The following LRRTM4 variants were observed in gnomAD, a reference collection of about 807,000 sequenced individuals.
The protein encoded by LRRTM4 is leucine-rich repeat transmembrane neuronal protein 4.
In LRRTM4, 25 loss-of-function variants were observed where a neutral mutation model predicts 47.6. The ratio of observed to expected loss-of-function variants is 0.53; its 90% CI spans 0.38 to 0.73. The LOEUF is 0.73. Among genes scored for constraint, LRRTM4 ranks in the 30% least tolerant of loss-of-function variants. The probability of loss-of-function intolerance (pLI) is 0.00; values close to 1 mark genes in which losing one functional copy is unlikely to be tolerated. For missense variants in LRRTM4, 638 were observed against 713.4 expected (o/e 0.89, Z 1.20); for synonymous variants, 311 against 269.5 (o/e 1.15, Z -1.51).
chr2:76,910,383 T>G (rs1022975714), intron 3 of LRRTM4, among the ~76,000 whole-genome samples: 1 of 151,116 alleles, frequency 6.6e-6, no homozygotes, highest in African/African-American at 2.4e-5. Flanking sequence ...CATTGGGAGA[T>G]ATACCTAATG....
At chr2:76,958,394 T>C (rs759995395) in intron 3 of LRRTM4, among the ~76,000 whole-genome samples, 1 of 151,790 alleles carries the variant, frequency 6.6e-6, no homozygotes, top group Admixed American at 6.6e-5. Flanking sequence ...CATAATCACC[T>C]GAAAGAGCTG....
intron 3 of LRRTM4, among the ~76,000 whole-genome samples, chr2:77,356,917 T>C (rs1671989883): frequency 6.6e-6 from 1 of 152,096 alleles, no homozygotes; most frequent in Non-Finnish European, 1.5e-5. Context: ...TTTGAAAGAG[T>C]ATAATGTGTC....
chr2:76,925,371 G>A (rs1165333389), intron 3 of LRRTM4, among the ~76,000 whole-genome samples: 3 of 152,088 alleles, frequency 2.0e-5, no homozygotes, highest in Non-Finnish European at 4.4e-5. Context: ...AGAGGACCAA[G>A]CCTTTAACAA....
chr2:77,408,651 TC>T (rs1207428319), intron 3 of LRRTM4, among the ~76,000 whole-genome samples: 1 of 151,978 alleles, frequency 6.6e-6, no homozygotes, highest in African/African-American at 2.4e-5. Flanking sequence ...AGCCTCTGAA[TC>T]CCCCCAGGAA....
intron 3 of LRRTM4, among the ~76,000 whole-genome samples, chr2:76,989,117 T>C (rs914515000): frequency 1.5e-4 from 23 of 151,896 alleles, no homozygotes; most frequent in Non-Finnish European, 2.5e-4. Context: ...ATTACATGTA[T>C]TGTTCAGTTT....
chr2:77,436,124 C>T (rs779810401), intron 3 of LRRTM4, among the ~76,000 whole-genome samples: 8 of 152,120 alleles, frequency 5.3e-5, no homozygotes, highest in South Asian at 2.1e-4. Context: ...ATATTAAAAG[C>T]GGTACCAAAA....
In LRRTM4 at chr2:76,833,923, T is replaced by C. The variant is rs546360164; in HGVS notation, c.1552-85007A>G. On this transcript the variant is annotated intron_variant, in intron 3 of 3. Transcript: ENST00000409884. ...TTCCCTTTTCCCTAATGCCATTAAA[T>C]ATCCTTCATATAAGCAATTTTTAAA... Among the ~76,000 whole-genome samples, 9 of 151,874 alleles carry C rather than the reference T, an allele frequency of 5.9e-5. No homozygotes were observed. The East Asian group carries it at 1.7e-3, about 29-fold the overall frequency.
chr2:76,883,573 G>A (rs1007706388), intron 3 of LRRTM4, among the ~76,000 whole-genome samples: 4 of 152,262 alleles, frequency 2.6e-5, no homozygotes, highest in Middle Eastern at 3.4e-3. Flanking sequence ...CTAGGACAGA[G>A]GAACTGGGAA....
chr2:77,341,781 G>C (rs1269041480), intron 3 of LRRTM4, among the ~76,000 whole-genome samples: 1 of 151,984 alleles, frequency 6.6e-6, no homozygotes, highest in East Asian at 1.9e-4. Flanking sequence ...GCATGGATGG[G>C]AGTTTCTCAA....
chr2:77,311,576 G>A (rs566601866), intron 3 of LRRTM4, among the ~76,000 whole-genome samples: 2 of 152,192 alleles, frequency 1.3e-5, no homozygotes, highest in Non-Finnish European at 2.9e-5. Context: ...AGTCAAATGG[G>A]TTAAAATTTG....
chr2:76,854,734 A>T (rs1206385004), intron 3 of LRRTM4, among the ~76,000 whole-genome samples: 1 of 152,098 alleles, frequency 6.6e-6, no homozygotes, highest in Non-Finnish European at 1.5e-5. Context: ...AAAATACTTA[A>T]CTAAACATCT....
chr2:77,061,035 A>G (rs1355025733), intron 3 of LRRTM4, among the ~76,000 whole-genome samples: 18 of 152,158 alleles, frequency 1.2e-4, no homozygotes. Context: ...ATTTGGAGTA[A>G]AAAATATCAA....
chr2:76,799,911 C>A (rs1675567432), intron 3 of LRRTM4, among the ~76,000 whole-genome samples: 1 of 150,572 alleles, frequency 6.6e-6, no homozygotes, highest in Admixed American at 6.6e-5. Context: ...AGAAGGACCT[C>A]TTCAAGGAGA....
At chr2:76,852,049 CAGATAT>C (rs1280551634) in intron 3 of LRRTM4, among the ~76,000 whole-genome samples, 1 of 152,062 alleles carries the variant, frequency 6.6e-6, no homozygotes, top group Non-Finnish European at 1.5e-5. Context: ...TAATCCTGTT[CAGATAT>C]AGCTAATGAT....
At chr2:76,985,940 C>T (rs7561189) in intron 3 of LRRTM4, 50,446 of 151,602 alleles carry the variant, frequency 0.33, 9,035 homozygotes, top group East Asian at 0.55. Flanking sequence ...AACAAGTAAT[C>T]CACCCTCTGA....
At chr2:77,490,431 A>T (rs1678099040) in intron 3 of LRRTM4, among the ~76,000 whole-genome samples, 1 of 152,180 alleles carries the variant, frequency 6.6e-6, no homozygotes, top group Non-Finnish European at 1.5e-5. Context: ...AAATGTAAAA[A>T]AAATCATAGG....
intron 3 of LRRTM4, among the ~76,000 whole-genome samples, chr2:77,071,371 C>T (rs1253875123): frequency 6.6e-6 from 1 of 152,040 alleles, no homozygotes; most frequent in East Asian, 1.9e-4. Context: ...ATTAAATTTC[C>T]AATATGCATT....
At chr2:77,145,611 AC>A (rs1344302703) in intron 3 of LRRTM4, among the ~76,000 whole-genome samples, 1 of 148,678 alleles carries the variant, frequency 6.7e-6, no homozygotes, top group Non-Finnish European at 1.5e-5. Flanking sequence ...TACTAAAAAT[AC>A]AAAAAAAAAA....
At chr2:76,848,152 C>A (rs188440366) in intron 3 of LRRTM4, among the ~76,000 whole-genome samples, 435 of 152,142 alleles carry the variant, frequency 2.9e-3, no homozygotes, top group African/African-American at 0.01. Flanking sequence ...TAGAAAACAA[C>A]TTCTTTCCCC....
Sources: gnomAD v4.1 joint callset for allele counts (sites outside exome capture counted in the v4.1 genomes callset) on GRCh38, gnomAD v4.1.1 for gene constraint, MANE v1.5 for transcripts, NCBI Gene and HGNC (gene_info 2026-07-23, HGNC 2026-07-21) for gene names.